The following RNF17 variants were observed in gnomAD, a reference collection of about 807,000 sequenced individuals.
RNF17 encodes the protein spermatogenesis associated 23.
RNF17 carries 31 observed loss-of-function variants against 200.5 expected under a neutral mutation model. The ratio of observed to expected loss-of-function variants is 0.15; its 90% CI spans 0.12 to 0.21. The LOEUF (loss-of-function observed/expected upper bound fraction) is 0.21, where lower values mean the gene tolerates loss of function less well. RNF17 is among the 10% of genes least tolerant of loss of function. The pLI, the probability that RNF17 is intolerant of heterozygous loss-of-function variation, is 1.00. For missense variants in RNF17, 1,628 were observed against 1,905.1 expected, an observed-to-expected ratio of 0.85 and a Z score of 2.71; for synonymous variants, 606 against 637.8, an observed-to-expected ratio of 0.95 and a Z score of 0.75.
At chr13:24,811,257 TC>T (rs1291892564) in intron 15 of RNF17, among the ~76,000 whole-genome samples, 3 of 151,886 alleles carry the variant, frequency 2.0e-5, no homozygotes, top group African/African-American at 7.3e-5. Flanking sequence ...GGTTCCATTC[TC>T]CCCGTCACTT....
At chr13:24,841,163 T>G (rs1323654785) in intron 18 of RNF17, among the ~76,000 whole-genome samples, 1 of 152,206 alleles carries the variant, frequency 6.6e-6, no homozygotes, top group Non-Finnish European at 1.5e-5. Flanking sequence ...CAAGCCTTAC[T>G]TACACTCAGT....
the RNF17 span, among the ~76,000 whole-genome samples, chr13:24,758,582 C>T: frequency 2.0e-5 from 3 of 152,048 alleles, no homozygotes; most frequent in East Asian, 1.9e-4. Flanking sequence ...AGGCTGAAGA[C>T]GTGATAGCCC....
the RNF17 span, among the ~76,000 whole-genome samples, chr13:24,756,138 C>T: frequency 1.3e-5 from 2 of 152,082 alleles, no homozygotes; most frequent in African/African-American, 4.8e-5. Flanking sequence ...CATTTGATAT[C>T]ATACTTTTGA....
Position 24,844,996 on chromosome 13 carries a change from G to T in RNF17, c.3018G>T (p.Val1006=). 6.2e-7 allele frequency: 1 copy of T among 1,606,596 alleles called. No homozygotes were observed. Among genetic ancestry groups the T allele is most frequent in the Non-Finnish European group, 8.5e-7 (1 of 1,173,338 alleles). Reference sequence around the variant, plus strand: ...ATGATGTGGGTGTTGAACTAGTAGTGAATGTTGACTGTTTAAGAAAACTTG... The same window carrying T: ...ATGATGTGGGTGTTGAACTAGTAGTTAATGTTGACTGTTTAAGAAAACTTG... ...LLYDVGVELV[V]NVDCLRKLEE... The change falls in exon 22 of 36, where the codon GTG becomes GTT. Residue 1006 remains valine, a synonymous_variant. Transcript: ENST00000255324.
downstream of RNF17, among the ~76,000 whole-genome samples, chr13:24,880,094 T>G (rs144525615): frequency 1.3e-5 from 2 of 152,318 alleles, no homozygotes; most frequent in East Asian, 1.9e-4. Context: ...CTTCTTATAC[T>G]GCTATAAAGA....
intron 28 of RNF17, among the ~76,000 whole-genome samples, chr13:24,863,799 C>T (rs942859425): frequency 6.6e-6 from 1 of 152,158 alleles, no homozygotes; most frequent in African/African-American, 2.4e-5. Flanking sequence ...TGTGGTATAG[C>T]AAAGGCTGCC....
At chr13:24,748,753 G>T in the RNF17 span, among the ~76,000 whole-genome samples, 15 of 148,928 alleles carry the variant, frequency 1.0e-4, no homozygotes, top group Non-Finnish European at 3.0e-5. Flanking sequence ...TTTGTTTTTT[G>T]TTTTTTTTTT....
intron 29 of RNF17, 83 bp downstream of exon 29, chr13:24,865,081 A>C: frequency 9.6e-7 from 1 of 1,041,268 alleles, no homozygotes; most frequent in Non-Finnish European, 1.4e-6. Flanking sequence ...ACTGTGTCTT[A>C]AATATGATTC....
At chr13:24,852,874 G>A (rs1186605478) in intron 24 of RNF17, among the ~76,000 whole-genome samples, 1 of 152,072 alleles carries the variant, frequency 6.6e-6, no homozygotes, top group African/African-American at 2.4e-5. Flanking sequence ...GGTATTTGAG[G>A]AATTATGTGG....
At chr13:24,848,387 C>T (rs370491119) in intron 22 of RNF17, among the ~76,000 whole-genome samples, 3 of 152,296 alleles carry the variant, frequency 2.0e-5, no homozygotes, top group East Asian at 3.9e-4. Context: ...CATGGCCGGA[C>T]GCGGTGGCCC....
intron 5 of RNF17, among the ~76,000 whole-genome samples, chr13:24,780,987 C>T (rs999018414): frequency 1.2e-4 from 18 of 152,100 alleles, no homozygotes; most frequent in Admixed American, 3.9e-4. Flanking sequence ...TTCATTTCCA[C>T]TATGAGCCTG....
intron 6 of RNF17, 113 bp from the exon 7 acceptor site, chr13:24,787,875 A>G: frequency 1.4e-6 from 1 of 737,752 alleles, no homozygotes; most frequent in Non-Finnish European, 2.1e-6. Context: ...TCATTTAACC[A>G]TATTATGTAA....
At chr13:24,788,638 AAGTCAAG>A (rs1814427318) in intron 7 of RNF17, among the ~76,000 whole-genome samples, 1 of 152,172 alleles carries the variant, frequency 6.6e-6, no homozygotes, top group Non-Finnish European at 1.5e-5. Flanking sequence ...CAAATTGTGC[AAGTCAAG>A]AGACAGCTTC....
chr13:24,802,592 TA>T (rs1885382919), intron 14 of RNF17, 21 bp downstream of exon 14: 1 of 1,567,140 alleles, frequency 6.4e-7, no homozygotes, highest in African/African-American at 1.4e-5. Context: ...TATTAAAACT[TA>T]AATATTCTTT....
At chr13:24,882,551 C>G (rs1414487087), downstream of RNF17, 1 of 152,914 alleles carries the variant, frequency 6.5e-6, no homozygotes, top group African/African-American at 2.4e-5. Context: ...GTTCATGCCC[C>G]CCTCCACTCT....
Position 24,866,173 on chromosome 13 carries a change from T to C in RNF17, c.4131T>C (p.Tyr1377=). 1 of 1,559,868 alleles carries C rather than the reference T, an allele frequency of 6.4e-7. No individual in the cohort carries two copies. Among genetic ancestry groups the C allele is most frequent in the South Asian group, 1.1e-5 (1 of 88,112 alleles). Residue 1377 remains tyrosine, a synonymous_variant, in exon 30 of 36, where the codon TAT becomes TAC. Transcript: ENST00000255324. The part of the protein sequence containing the change: ...EKPRSDHDKK[Y]EEEQWEIRFE... ...CAAGATCAGATCATGATAAAAAGTA[T>C]GAAGAGGAACAATGGGAAATAAGGT...
intron 1 of RNF17, among the ~76,000 whole-genome samples, chr13:24,765,205 CAG>C (rs1879480254): frequency 6.6e-6 from 1 of 151,950 alleles, no homozygotes; most frequent in Non-Finnish European, 1.5e-5. Flanking sequence ...TTAGTAGAGA[CAG>C]GGTTTCACCG....
downstream of RNF17, chr13:24,883,521 T>C: frequency 1.6e-6 from 1 of 628,474 alleles, no homozygotes; most frequent in Non-Finnish European, 2.7e-6. Flanking sequence ...TTCTACAGTG[T>C]TTCTGCTTCA....
At chr13:24,856,743 G>GT (rs1473758531) in intron 25 of RNF17, among the ~76,000 whole-genome samples, 1 of 152,118 alleles carries the variant, frequency 6.6e-6, no homozygotes, top group African/African-American at 2.4e-5. Flanking sequence ...ACCAATACCA[G>GT]TTTTTTTCCT....
Sources: gnomAD v4.1 joint callset for allele counts (sites outside exome capture counted in the v4.1 genomes callset) on GRCh38, gnomAD v4.1.1 for gene constraint, MANE v1.5 for transcripts, NCBI Gene and HGNC (gene_info 2026-07-23, HGNC 2026-07-21) for gene names.